Variants in MB21D2 observed in about 807,000 individuals in gnomAD.
MB21D2 encodes the protein Mab-21 domain containing 2.
A neutral mutation model predicts 33.3 loss-of-function variants in MB21D2; 9 were observed. The ratio of observed to expected loss-of-function variants is 0.27; its 90% CI spans 0.16 to 0.47. The LOEUF (loss-of-function observed/expected upper bound fraction) is 0.47, where lower values mean the gene tolerates loss of function less well. MB21D2 is among the 20% of genes least tolerant of loss of function. The pLI, the probability that MB21D2 is intolerant of heterozygous loss-of-function variation, is 0.99. For synonymous variants in MB21D2, 241 were observed against 236.3 expected, an observed-to-expected ratio of 1.02 and a Z score of -0.18; for missense variants, 540 against 624.6, an observed-to-expected ratio of 0.86 and a Z score of 1.44.
At chr3:192,853,202 C>G (rs1712844626) in intron 1 of MB21D2, among the ~76,000 whole-genome samples, 1 of 152,156 alleles carries the variant, frequency 6.6e-6, no homozygotes, top group African/African-American at 2.4e-5. Context: ...CAACCACACC[C>G]ACCAACCACA....
intron 1 of MB21D2, among the ~76,000 whole-genome samples, chr3:192,903,384 G>C (rs1033391840): frequency 2.0e-5 from 3 of 152,106 alleles, no homozygotes; most frequent in African/African-American, 7.2e-5. Flanking sequence ...CCTAATTTTC[G>C]AGTTTCCTGG....
At chr3:192,874,313 T>C (rs183999349) in intron 1 of MB21D2, among the ~76,000 whole-genome samples, 82 of 152,256 alleles carry the variant, frequency 5.4e-4, no homozygotes, top group Middle Eastern at 3.4e-3. Context: ...GCTGAACAAA[T>C]GAATAAATGA....
chr3:192,818,438 G>A lies in MB21D2; in HGVS notation c.212-18788C>T, dbSNP rs1274326970. The stretch of plus-strand genomic sequence containing the variant: ...TATTTTGTACAATCAAGAACTAGCA[G>A]CTAAAAAAAATGTACTCAAACACAG... On this transcript the variant is annotated intron_variant, in intron 1 of 1. Transcript: ENST00000392452. 2.1e-5 allele frequency among the ~76,000 whole-genome samples: 3 copies of A among 140,754 alleles called. No individual in the cohort carries two copies. In the East Asian group the frequency reaches 5.8e-4, roughly 27 times the overall value. 92.3% of individuals were successfully genotyped at this position (140,754 alleles called of 152,430 possible).
rs1488281502 is a variant in MB21D2, at chr3:192,873,382, T to C, written c.211+44248A>G. On this transcript the variant is annotated intron_variant, in intron 1 of 1. Transcript: ENST00000392452. ...GAGTGAAATTGTAATTTATAATATT[T>C]ATGATACTAGGGTAAAGGGGATGAG... 2.0e-5 allele frequency among the ~76,000 whole-genome samples: 3 copies of C among 152,292 alleles called. No homozygotes were observed. The East Asian group carries it at 5.8e-4, about 29-fold the overall frequency.
rs1560224001 is a variant in MB21D2, at chr3:192,799,473, C to T, written c.389G>A (p.Arg130His). Residue 130 changes from arginine to histidine, a missense_variant, in exon 2 of 2, where the codon CGT (arginine) becomes CAT (histidine). By Grantham distance (29) the Arg-to-His change is conservative. Coordinates refer to ENST00000392452, the MANE Select transcript of MB21D2 (RefSeq NM_178496.4). The surrounding 1 kb of genome is among the most constrained non-coding windows in gnomAD (Gnocchi z 4.1). Reference sequence around the variant, plus strand: ...CATGTCGAGTGTCACAGGCTGATTACGGTCATGCAGCTTGAGGGCTGGCAC... The same window carrying T: ...CATGTCGAGTGTCACAGGCTGATTATGGTCATGCAGCTTGAGGGCTGGCAC... Reference protein sequence around the residue: ...LLVPALKLHDRNQPVTLDMRH... With the variant: ...LLVPALKLHDHNQPVTLDMRH... 6.2e-6 allele frequency: 10 copies of T among 1,614,064 alleles called. No individual in the cohort carries two copies. The highest frequency in any genetic ancestry group is 1.7e-5 in the Admixed American group (1 of 60,006).
chr3:192,831,432 G>C (rs940483334), intron 1 of MB21D2, among the ~76,000 whole-genome samples: 1 of 152,212 alleles, frequency 6.6e-6, no homozygotes, highest in African/African-American at 2.4e-5. Flanking sequence ...GTTGTTTTAA[G>C]CCACTAAGTT....
At position 192,881,629 on chromosome 3, in the gene MB21D2, A is replaced by G. The variant is rs143235031; in HGVS notation, c.211+36001T>C. Reference sequence around the variant, plus strand: ...CTCGCTGGCAGGTGTTTGTCTCAGAAGCTGCAGAAGCTTATGTCACAAACT... The same window carrying G: ...CTCGCTGGCAGGTGTTTGTCTCAGAGGCTGCAGAAGCTTATGTCACAAACT... On this transcript the variant is annotated intron_variant, in intron 1 of 1. Coordinates refer to ENST00000392452, the MANE Select transcript of MB21D2 (RefSeq NM_178496.4). 1.3e-3 allele frequency among the ~76,000 whole-genome samples: 200 copies of G among 152,254 alleles called. 3 individuals carry two copies. Among genetic ancestry groups the G allele is most frequent in the African/African-American group, 4.7e-3 (193 of 41,492 alleles).
intron 1 of MB21D2, among the ~76,000 whole-genome samples, chr3:192,821,810 A>T (rs7631906): frequency 0.57 from 87,291 of 151,884 alleles, 26,111 homozygotes; most frequent in African/African-American, 0.74. Context: ...GGGTCCTGGA[A>T]GGTCCTGAGG....
chr3:192,875,329 C>T (rs1403964572), intron 1 of MB21D2, among the ~76,000 whole-genome samples: 2 of 152,148 alleles, frequency 1.3e-5, no homozygotes, highest in African/African-American at 2.4e-5. Context: ...CTGCTGTTTG[C>T]TGCACGAATG....
chr3:192,803,506 T>C (rs944340551), intron 1 of MB21D2, among the ~76,000 whole-genome samples: 2 of 152,166 alleles, frequency 1.3e-5, no homozygotes, highest in African/African-American at 4.8e-5. Flanking sequence ...CCATTTAGCC[T>C]CCCTGAGCCC....
intron 1 of MB21D2, among the ~76,000 whole-genome samples, chr3:192,824,794 T>C (rs11928598): frequency 0.12 from 18,603 of 152,234 alleles, 1,312 homozygotes; most frequent in African/African-American, 0.18. Flanking sequence ...CTCCAATTTA[T>C]TTCCACTTCA....
At chr3:192,834,508 T>C (rs1712391571) in intron 1 of MB21D2, among the ~76,000 whole-genome samples, 1 of 151,644 alleles carries the variant, frequency 6.6e-6, no homozygotes, top group Non-Finnish European at 1.5e-5. Context: ...CTATCATGCC[T>C]CCTCTTTGCA....
chr3:192,911,355 C>T (rs1714347384), intron 1 of MB21D2, among the ~76,000 whole-genome samples: 1 of 152,118 alleles, frequency 6.6e-6, no homozygotes, highest in South Asian at 2.1e-4. Context: ...CTTTTTGTCT[C>T]TGTCCCAGGT....
chr3:192,889,743 GA>G (rs1713809509), intron 1 of MB21D2, among the ~76,000 whole-genome samples: 1 of 152,048 alleles, frequency 6.6e-6, no homozygotes. Context: ...ATAAAGATGT[GA>G]AAAGTGTTTT....
intron 1 of MB21D2, among the ~76,000 whole-genome samples, chr3:192,852,884 T>C (rs1027142548): frequency 1.3e-5 from 2 of 152,168 alleles, no homozygotes; most frequent in Non-Finnish European, 2.9e-5. Context: ...TTACTCCAGG[T>C]TTTCCTGTTC....
At chr3:192,840,275 T>C (rs1000902550) in intron 1 of MB21D2, among the ~76,000 whole-genome samples, 1 of 152,112 alleles carries the variant, frequency 6.6e-6, no homozygotes, top group African/African-American at 2.4e-5. Context: ...ATTAGAAACA[T>C]ACATATTACA....
At chr3:192,884,739 T>A (rs1041650976) in intron 1 of MB21D2, among the ~76,000 whole-genome samples, 1 of 152,036 alleles carries the variant, frequency 6.6e-6, no homozygotes, top group Non-Finnish European at 1.5e-5. Context: ...CCTCTTTTTC[T>A]CTATTCACAT....
chr3:192,915,599 G>A (rs1301471406), intron 1 of MB21D2, among the ~76,000 whole-genome samples: 1 of 152,176 alleles, frequency 6.6e-6, no homozygotes, highest in Non-Finnish European at 1.5e-5. Context: ...AAGACTGCTT[G>A]CAAGGTCAAC....
At position 192,798,371 on chromosome 3, in the gene MB21D2, A is replaced by G. The variant is rs1720566892; in HGVS notation, c.*15T>C. 3.1e-6 allele frequency: 5 copies of G among 1,609,318 alleles called. No individual in the cohort carries two copies. The highest frequency in any genetic ancestry group is 4.2e-6 in the Non-Finnish European group (5 of 1,176,904). The stretch of plus-strand genomic sequence containing the variant: ...CAGAGTTTAAGAATCAGGAAAAAAA[A>G]AAGTCAGCTAACACTCAGAAAAATT... On this transcript the variant is annotated 3_prime_UTR_variant, in exon 2 of 2. Transcript: ENST00000392452. The surrounding 1 kb of genome is among the most constrained non-coding windows in gnomAD (Gnocchi z 4.8).
Sources: gnomAD v4.1 joint callset for allele counts (sites outside exome capture counted in the v4.1 genomes callset) on GRCh38, gnomAD v4.1.1 for gene constraint, Gnocchi (gnomAD v3.1) non-coding constraint, MANE v1.5 for transcripts, NCBI Gene and HGNC (gene_info 2026-07-23, HGNC 2026-07-21) for gene names.